The following INPP4A variants were observed in gnomAD, a reference collection of about 807,000 sequenced individuals.
INPP4A encodes inositol polyphosphate-4-phosphatase type I A.
Under a neutral mutation model 119.8 loss-of-function variants are expected in INPP4A, and 33 were observed. The ratio of observed to expected loss-of-function variants is 0.28; its 90% CI spans 0.21 to 0.37. INPP4A has a LOEUF of 0.37. Ranked by LOEUF, INPP4A falls within the 10% of genes least tolerant of loss-of-function variation. The probability of loss-of-function intolerance (pLI) is 1.00; values close to 1 mark genes in which losing one functional copy is unlikely to be tolerated. For synonymous variants in INPP4A, 496 were observed against 500.7 expected, an observed-to-expected ratio of 0.99 and a Z score of 0.12; for missense variants, 956 against 1,289.9, an observed-to-expected ratio of 0.74 and a Z score of 3.97.
chr2:98,533,370 T>A lies in INPP4A; in HGVS notation c.152-7T>A. On this transcript the variant is annotated splice_polypyrimidine_tract_variant and splice_region_variant and intron_variant, in intron 4 of 24. Transcript: ENST00000409851. ...GGATTCATTTCTTTCCCGTGTTGAT[T>A]CTGTAGCTTGCAGTGAGCTGCATAC... The A allele has an allele frequency of 6.3e-7, 1 of 1,589,268 alleles. No individual in the cohort carries two copies. Among genetic ancestry groups the A allele is most frequent in the South Asian group, 1.1e-5 (1 of 90,576 alleles).
chr2:98,504,236 T>C (rs1683640460), intron 1 of INPP4A, among the ~76,000 whole-genome samples: 1 of 152,184 alleles, frequency 6.6e-6, no homozygotes, highest in Non-Finnish European at 1.5e-5. Context: ...AGGAAGGTCC[T>C]ATATAAACAT....
In INPP4A at chr2:98,549,865, C is replaced by T. The variant is rs113416786; in HGVS notation, c.1164-2921C>T. Among the ~76,000 whole-genome samples the T allele has an allele frequency of 8.1e-3, 1,228 of 152,230 alleles. 19 individuals are homozygous for T. The highest frequency in any genetic ancestry group is 0.028 in the African/African-American group (1,158 of 41,524). On this transcript the variant is annotated intron_variant, in intron 13 of 24. Transcript: ENST00000409851. ...TAGGGACGGTTGCTGCTGCTCCTGCCTCCTTAATGGAGCAGACCCATGCTA... is the reference window on the plus strand; with the variant it reads ...TAGGGACGGTTGCTGCTGCTCCTGCTTCCTTAATGGAGCAGACCCATGCTA...
At chr2:98,565,512 C>A (rs1156345690) in intron 19 of INPP4A, 128 bp from the exon 20 acceptor site, 2 of 941,960 alleles carry the variant, frequency 2.1e-6, no homozygotes, top group Non-Finnish European at 3.0e-6. Flanking sequence ...TCAGAGACTC[C>A]CCCTCCACCA....
chr2:98,543,627 T>C (rs1472636499), intron 10 of INPP4A, among the ~76,000 whole-genome samples: 2 of 152,178 alleles, frequency 1.3e-5, no homozygotes, highest in Non-Finnish European at 2.9e-5. Context: ...CCTTGAACAT[T>C]AGACTAAATT....
chr2:98,576,335 GC>G (rs1464922404), intron 23 of INPP4A, among the ~76,000 whole-genome samples: 2 of 152,144 alleles, frequency 1.3e-5, no homozygotes, highest in Non-Finnish European at 2.9e-5. Context: ...AGGCTGCCCT[GC>G]CCCCTACTCT....
chr2:98,470,043 A>G (rs1310654594), intron 1 of INPP4A, among the ~76,000 whole-genome samples: 1 of 152,228 alleles, frequency 6.6e-6, no homozygotes, highest in Non-Finnish European at 1.5e-5. Context: ...GGGCCAACGC[A>G]CGTGACCTCC....
At chr2:98,476,453 C>A (rs79626208) in intron 1 of INPP4A, among the ~76,000 whole-genome samples, 2,581 of 152,288 alleles carry the variant, frequency 0.017, 80 homozygotes, top group African/African-American at 0.059. Context: ...CCAGGGTGGG[C>A]CCCTCGCTCT....
At chr2:98,536,443 G>T (rs1315640282) in intron 7 of INPP4A, among the ~76,000 whole-genome samples, 1 of 152,114 alleles carries the variant, frequency 6.6e-6, no homozygotes, top group African/African-American at 2.4e-5. Context: ...CCTAAAGGAA[G>T]GCCTAGATAC....
At chr2:98,572,224 G>A (rs979505676) in intron 22 of INPP4A, among the ~76,000 whole-genome samples, 7 of 152,230 alleles carry the variant, frequency 4.6e-5, no homozygotes, top group Non-Finnish European at 1.0e-4. Context: ...TCTTGGTAAG[G>A]TGACCTGATG....
intron 1 of INPP4A, among the ~76,000 whole-genome samples, chr2:98,459,188 T>G (rs557045285): frequency 3.1e-4 from 47 of 152,206 alleles, no homozygotes; most frequent in Non-Finnish European, 5.9e-4. Context: ...TGACACTGAG[T>G]AGACCTCGGC....
intron 1 of INPP4A, among the ~76,000 whole-genome samples, chr2:98,455,224 G>C (rs979278609): frequency 6.6e-6 from 1 of 152,138 alleles, no homozygotes; most frequent in African/African-American, 2.4e-5. Context: ...TATATTCCCA[G>C]CTTCTTGGGA....
At chr2:98,532,941 A>G (rs17033136) in intron 4 of INPP4A, among the ~76,000 whole-genome samples, 42,398 of 152,150 alleles carry the variant, frequency 0.28, 5,932 homozygotes, top group Middle Eastern at 0.36. Context: ...AGACACGTGG[A>G]GCACCATATG....
At chr2:98,533,946 C>T (rs1319089802) in intron 5 of INPP4A, among the ~76,000 whole-genome samples, 1 of 152,062 alleles carries the variant, frequency 6.6e-6, no homozygotes, top group African/African-American at 2.4e-5. Flanking sequence ...TTAACTTTTC[C>T]CACTAAGTTA....
intron 13 of INPP4A, among the ~76,000 whole-genome samples, chr2:98,549,249 G>A (rs1693046106): frequency 6.6e-6 from 1 of 152,150 alleles, no homozygotes; most frequent in Non-Finnish European, 1.5e-5. Flanking sequence ...GGAAGAGGAA[G>A]GGCCCGACCC....
At chr2:98,579,381 G>A (rs570207523) in intron 24 of INPP4A, among the ~76,000 whole-genome samples, 18 of 152,270 alleles carry the variant, frequency 1.2e-4, no homozygotes, top group African/African-American at 4.1e-4. Context: ...TATCCAATTT[G>A]CTGTCATTGA....
rs77526167 is a variant in INPP4A at position 98,465,503 on chromosome 2, T to A, written c.-166+20418T>A. On this transcript the variant is annotated intron_variant, in intron 1 of 24. Transcript: ENST00000409851. Reference sequence around the variant, plus strand: ...GCTGTATAAGGTAACATTAATAGGTTCCAAGGATTTGAACGTGAACCTCTT... The same window carrying A: ...GCTGTATAAGGTAACATTAATAGGTACCAAGGATTTGAACGTGAACCTCTT... Among the ~76,000 whole-genome samples the A allele has an allele frequency of 2.8e-3, 429 of 152,318 alleles. 2 individuals are homozygous for A. Among genetic ancestry groups the A allele is most frequent in the African/African-American group, 9.3e-3 (388 of 41,574 alleles).
chr2:98,551,697 A>G lies in INPP4A; in HGVS notation c.1164-1089A>G, dbSNP rs144284169. Among the ~76,000 whole-genome samples the G allele has an allele frequency of 3.7e-3, 560 of 152,262 alleles. 2 individuals carry two copies. The highest frequency in any genetic ancestry group is 6.1e-3 in the Non-Finnish European group (415 of 68,006). Reference sequence around the variant, plus strand: ...CGCTCCTCCTCTCTCTCTCTTCCCCAGAATTCAAAGGGTAGCCCTTTAGGG... The same window carrying G: ...CGCTCCTCCTCTCTCTCTCTTCCCCGGAATTCAAAGGGTAGCCCTTTAGGG... On this transcript the variant is annotated intron_variant, in intron 13 of 24. Transcript: ENST00000409851.
At chr2:98,571,021 G>T (rs536116714) in intron 22 of INPP4A, among the ~76,000 whole-genome samples, 1 of 152,266 alleles carries the variant, frequency 6.6e-6, no homozygotes, top group South Asian at 2.1e-4. Flanking sequence ...CAGCCAGGGT[G>T]GTAAACATAG....
At position 98,546,040 on chromosome 2, in the gene INPP4A, C is replaced by G. The variant is rs756884198; in HGVS notation, c.1021C>G (p.Gln341Glu). 6.3e-7 allele frequency: 1 copy of G among 1,589,334 alleles called. No homozygotes were observed. The highest frequency in any genetic ancestry group is 8.6e-7 in the Non-Finnish European group (1 of 1,167,050). Residue 341 changes from glutamine (Q) to glutamate (E), a missense_variant, in exon 12 of 25, where the codon CAA becomes GAA. Gln to Glu is a conservative substitution (Grantham distance 29, BLOSUM62 2). Around this residue, in one of 2 missense-constraint regions of INPP4A, gnomAD observed 652 missense variants for 797.9 expected, o/e 0.82. Coordinates refer to ENST00000409851, the MANE Select transcript of INPP4A (RefSeq NM_001134225.2). This position sits in a 1 kb window ranked among gnomAD's most constrained non-coding sequence, Gnocchi z 4.2. ...LEFVPTNLHI[Q>E]RMRVQDDGGS... Reference sequence around the variant, plus strand: ...ATTTGTTCCCACAAACTTGCACATACAAAGGATGAGAGTTCAAGACGATGG... The same window carrying G: ...ATTTGTTCCCACAAACTTGCACATAGAAAGGATGAGAGTTCAAGACGATGG...
Sources: gnomAD v4.1 joint callset for allele counts (sites outside exome capture counted in the v4.1 genomes callset) on GRCh38, gnomAD v4.1.1 for gene constraint, gnomAD v4.1.1 regional missense constraint, Gnocchi (gnomAD v3.1) non-coding constraint, MANE v1.5 for transcripts, NCBI Gene and HGNC (gene_info 2026-07-23, HGNC 2026-07-21) for gene names.